Variants in TAFA1 observed in about 807,000 individuals in gnomAD.
TAFA1 encodes chemokine-like protein TAFA-1.
TAFA1 carries 4 observed loss-of-function variants against 18.5 expected under a neutral mutation model. That is an observed-to-expected ratio of 0.22 (90% CI 0.11 to 0.49). The LOEUF (loss-of-function observed/expected upper bound fraction) is 0.49. TAFA1 is among the 20% of genes least tolerant of loss of function. The pLI, the probability that TAFA1 is intolerant of heterozygous loss-of-function variation, is 0.98. For missense variants in TAFA1, 147 were observed against 169.0 expected, an observed-to-expected ratio of 0.87 and a Z score of 0.72; for synonymous variants, 56 against 55.2, an observed-to-expected ratio of 1.01 and a Z score of -0.06.
intron 3 of TAFA1, among the ~76,000 whole-genome samples, chr3:68,450,795 G>A (rs2071556232): frequency 6.6e-6 from 1 of 152,166 alleles, no homozygotes; most frequent in South Asian, 2.1e-4. Context: ...CATGACTCTA[G>A]TAATGTAGTC....
At chr3:68,316,781 G>A (rs951133460) in intron 2 of TAFA1, among the ~76,000 whole-genome samples, 9 of 152,186 alleles carry the variant, frequency 5.9e-5, no homozygotes, top group African/African-American at 2.2e-4. Flanking sequence ...GAATGAGTTG[G>A]TGAAGTTGAA....
chr3:68,327,357 T>C (rs2068793110), intron 2 of TAFA1, among the ~76,000 whole-genome samples: 1 of 152,170 alleles, frequency 6.6e-6, no homozygotes, highest in Admixed American at 6.6e-5. Flanking sequence ...TCATTTACAG[T>C]TCTAGCAGAG....
At chr3:68,141,367 C>T (rs560578716) in intron 2 of TAFA1, among the ~76,000 whole-genome samples, 22 of 152,268 alleles carry the variant, frequency 1.4e-4, no homozygotes, top group African/African-American at 5.3e-4. Flanking sequence ...ACCTCAATTC[C>T]ATAATCATCC....
chr3:68,408,511 A>T (rs2070654092), intron 2 of TAFA1, among the ~76,000 whole-genome samples: 1 of 152,174 alleles, frequency 6.6e-6, no homozygotes, highest in South Asian at 2.1e-4. Context: ...ATATTCAGAA[A>T]AGGTTCCCGA....
intron 2 of TAFA1, among the ~76,000 whole-genome samples, chr3:68,032,846 T>G (rs567717415): frequency 1.1e-4 from 16 of 152,150 alleles, no homozygotes; most frequent in Non-Finnish European, 2.2e-4. Flanking sequence ...AAAGTCAAAA[T>G]GTGTAAACTA....
intron 2 of TAFA1, among the ~76,000 whole-genome samples, chr3:68,008,827 G>T (rs1323390610): frequency 3.3e-5 from 5 of 152,292 alleles, no homozygotes; most frequent in Admixed American, 2.6e-4. Flanking sequence ...AGGGCTCGGG[G>T]CTGGCCACCT....
At chr3:68,036,016 C>T (rs1272303875) in intron 2 of TAFA1, among the ~76,000 whole-genome samples, 3 of 152,116 alleles carry the variant, frequency 2.0e-5, no homozygotes, top group Non-Finnish European at 4.4e-5. Flanking sequence ...TGAGGGTAGG[C>T]ATTGACTACA....
intron 2 of TAFA1, among the ~76,000 whole-genome samples, chr3:68,346,162 T>C (rs2069161086): frequency 6.6e-6 from 1 of 152,132 alleles, no homozygotes; most frequent in African/African-American, 2.4e-5. Flanking sequence ...TGTTGTTGTT[T>C]TTGTTTGTTT....
chr3:68,185,218 G>A (rs953595912), intron 2 of TAFA1, among the ~76,000 whole-genome samples: 6 of 152,060 alleles, frequency 3.9e-5, no homozygotes, highest in Admixed American at 3.9e-4. Context: ...AGGATGAGTA[G>A]GAGCCAGTAA....
In TAFA1 at chr3:68,507,809, C is replaced by T. The variant is rs75875445; in HGVS notation, c.260-30947C>T. ...CAAAAACCGCACAACCCCTATTGTGCTTGGGATGATGGTGATAGTATATAA... is the reference window on the plus strand; with the variant it reads ...CAAAAACCGCACAACCCCTATTGTGTTTGGGATGATGGTGATAGTATATAA... On this transcript the variant is annotated intron_variant, in intron 3 of 4. Coordinates refer to ENST00000478136, the MANE Select transcript of TAFA1 (RefSeq NM_213609.4). Among the ~76,000 whole-genome samples, 687 of 152,168 alleles carry T rather than the reference C, an allele frequency of 4.5e-3. 11 individuals carry two copies. The highest frequency in any genetic ancestry group is 0.042 in the East Asian group (219 of 5,170).
At chr3:68,528,315 G>A (rs2073136640) in intron 3 of TAFA1, among the ~76,000 whole-genome samples, 1 of 152,136 alleles carries the variant, frequency 6.6e-6, no homozygotes, top group Non-Finnish European at 1.5e-5. Flanking sequence ...ATTTTCCAAA[G>A]TCATACTATT....
At chr3:68,258,487 T>C (rs1026016907) in intron 2 of TAFA1, among the ~76,000 whole-genome samples, 7 of 152,208 alleles carry the variant, frequency 4.6e-5, no homozygotes, top group Non-Finnish European at 1.0e-4. Flanking sequence ...CACTCAAAAG[T>C]ATTTTTTAAT....
chr3:68,462,189 T>G (rs1221833398), intron 3 of TAFA1, among the ~76,000 whole-genome samples: 1 of 152,118 alleles, frequency 6.6e-6, no homozygotes, highest in Non-Finnish European at 1.5e-5. Context: ...AAATATATAA[T>G]TAAAAAGAAA....
intron 2 of TAFA1, among the ~76,000 whole-genome samples, chr3:68,262,242 A>ACCCTAAGT (rs2107199237): frequency 7.0e-6 from 1 of 142,208 alleles, no homozygotes; most frequent in Non-Finnish European, 1.5e-5. Flanking sequence ...GATTACCCAA[A>ACCCTAAGT]CCCTAAGTCC....
At chr3:68,293,752 C>G (rs1325924885) in intron 2 of TAFA1, among the ~76,000 whole-genome samples, 1 of 152,184 alleles carries the variant, frequency 6.6e-6, no homozygotes, top group Non-Finnish European at 1.5e-5. Context: ...GGCAAAGAAG[C>G]TGGTCTTTGG....
At chr3:68,404,192 A>G (rs2070550808) in intron 2 of TAFA1, among the ~76,000 whole-genome samples, 1 of 152,186 alleles carries the variant, frequency 6.6e-6, no homozygotes, top group African/African-American at 2.4e-5. Flanking sequence ...CAGCTAATAA[A>G]GGGTGGAAGC....
At chr3:68,234,130 G>A (rs2066901582) in intron 2 of TAFA1, among the ~76,000 whole-genome samples, 1 of 152,132 alleles carries the variant, frequency 6.6e-6, no homozygotes, top group African/African-American at 2.4e-5. Flanking sequence ...ATATTTCTGT[G>A]GGTTATCAGC....
At chr3:68,122,230 T>C (rs1462261177) in intron 2 of TAFA1, among the ~76,000 whole-genome samples, 5 of 152,180 alleles carry the variant, frequency 3.3e-5, no homozygotes, top group African/African-American at 9.7e-5. Context: ...CTATGTAATT[T>C]AACTTTCCTA....
chr3:68,195,291 C>T (rs1346992719), intron 2 of TAFA1, among the ~76,000 whole-genome samples: 1 of 149,260 alleles, frequency 6.7e-6, no homozygotes, highest in Non-Finnish European at 1.5e-5. Flanking sequence ...CAGGAAAATA[C>T]AACATAAGGC....
Sources: gnomAD v4.1 joint callset for allele counts (sites outside exome capture counted in the v4.1 genomes callset) on GRCh38, gnomAD v4.1.1 for gene constraint, MANE v1.5 for transcripts, NCBI Gene and HGNC (gene_info 2026-07-23, HGNC 2026-07-21) for gene names.